The following KIAA1217 variants were observed in gnomAD, a reference collection of about 807,000 sequenced individuals.
KIAA1217 encodes the protein sickle tail protein homolog.
In KIAA1217, 88 loss-of-function variants were observed where a neutral mutation model predicts 163.9. That is an observed-to-expected ratio of 0.54 (90% confidence interval 0.45 to 0.64). KIAA1217 has a LOEUF of 0.64. Among genes scored for constraint, KIAA1217 ranks in the 30% least tolerant of loss-of-function variants. The pLI, the probability that KIAA1217 is intolerant of heterozygous loss-of-function variation, is 0.00. For synonymous variants in KIAA1217, 903 were observed against 923.1 expected (o/e 0.98, Z 0.39); for missense variants, 2,372 against 2,475.0 (o/e 0.96, Z 0.88).
At chr10:23,889,248 T>G (rs1011934216) in intron 1 of KIAA1217, among the ~76,000 whole-genome samples, 16 of 151,924 alleles carry the variant, frequency 1.1e-4, no homozygotes, top group African/African-American at 3.6e-4. Flanking sequence ...TCTAACGTGA[T>G]GGGACCATTT....
At chr10:24,480,052 G>C (rs2064480890) in intron 6 of KIAA1217, among the ~76,000 whole-genome samples, 1 of 152,156 alleles carries the variant, frequency 6.6e-6, no homozygotes, top group South Asian at 2.1e-4. Flanking sequence ...AACCGTAGCA[G>C]ATGTTTAGCA....
intron 2 of KIAA1217, among the ~76,000 whole-genome samples, chr10:24,369,484 G>A (rs1032321175): frequency 1.3e-5 from 2 of 152,086 alleles, no homozygotes; most frequent in Non-Finnish European, 2.9e-5. Flanking sequence ...CACTGAGGGT[G>A]AGGGCCTTTG....
intron 1 of KIAA1217, among the ~76,000 whole-genome samples, chr10:23,866,853 TTTA>T (rs1346415174): frequency 6.6e-6 from 1 of 152,038 alleles, no homozygotes; most frequent in Non-Finnish European, 1.5e-5. Flanking sequence ...CTTTTTTTCT[TTTA>T]TTATTATTAT....
chr10:24,501,301 C>T lies in KIAA1217; in HGVS notation c.1835-78C>T, dbSNP rs1454044554. 6.8e-6 allele frequency: 9 copies of T among 1,326,808 alleles called. No homozygotes were observed. The African/African-American group carries it at 1.2e-4, about 17-fold the overall frequency. The allele number at this position is 1,326,808 out of a possible 1,614,324, so 82.2% of individuals were successfully genotyped here. The stretch of plus-strand genomic sequence containing the variant: ...ATTAGGCCTTTTTAGAATTACCAGT[C>T]ATCTGCATTGGGATGGGATGCATAG... On this transcript the variant is annotated intron_variant, in intron 8 of 20. Transcript: ENST00000376454.
intron 1 of KIAA1217, among the ~76,000 whole-genome samples, chr10:23,696,005 T>TC (rs1836012284): frequency 6.6e-6 from 1 of 152,100 alleles, no homozygotes; most frequent in African/African-American, 2.4e-5. Context: ...CCGCTGCGGG[T>TC]CCTCCGAGAC....
At chr10:24,072,111 G>T (rs1281771996) in intron 2 of KIAA1217, among the ~76,000 whole-genome samples, 1 of 151,954 alleles carries the variant, frequency 6.6e-6, no homozygotes, top group Non-Finnish European at 1.5e-5. Flanking sequence ...TTGCAGCCTT[G>T]TACTCCTGGG....
chr10:23,916,817 C>T (rs946383745), intron 1 of KIAA1217, among the ~76,000 whole-genome samples: 2 of 151,762 alleles, frequency 1.3e-5, no homozygotes, highest in African/African-American at 4.8e-5. Flanking sequence ...AATAAAAATA[C>T]AAAAATTAGC....
At chr10:24,031,575 C>T (rs1277427133) in intron 2 of KIAA1217, among the ~76,000 whole-genome samples, 2 of 152,200 alleles carry the variant, frequency 1.3e-5, no homozygotes, top group Non-Finnish European at 2.9e-5. Context: ...GCTGGAATTA[C>T]AGGCTCACAC....
intron 1 of KIAA1217, among the ~76,000 whole-genome samples, chr10:23,933,078 G>T (rs1843324436): frequency 6.6e-6 from 1 of 152,174 alleles, no homozygotes; most frequent in Admixed American, 6.5e-5. Context: ...CAACATTGCT[G>T]CTGATTGCTA....
In KIAA1217 at chr10:24,543,931, C is replaced by T. The variant is rs571832677; in HGVS notation, c.4661C>T (p.Ser1554Leu). 12 of 1,613,986 alleles carry T rather than the reference C, an allele frequency of 7.4e-6. No homozygotes were observed. Among genetic ancestry groups the T allele is most frequent in the African/African-American group, 4.0e-5 (3 of 74,998 alleles). Residue 1554 changes from serine (S) to leucine (L), a missense_variant, in exon 19 of 21, where the codon TCG becomes TTG. Transcript: ENST00000376454. ...TTCAGCCACGTGGATTCTCCAAATT[C>T]GGAATGCAAGGGTGAGGACGCGACC... ...NKFSHVDSPN[S>L]ECKGEDATDD...
At chr10:24,186,619 A>G (rs2066441913) in intron 2 of KIAA1217, among the ~76,000 whole-genome samples, 1 of 152,158 alleles carries the variant, frequency 6.6e-6, no homozygotes, top group South Asian at 2.1e-4. Flanking sequence ...GGCCAGGCAC[A>G]GTGGCTCACC....
chr10:23,698,204 G>A (rs1836174526), intron 1 of KIAA1217, among the ~76,000 whole-genome samples: 1 of 152,196 alleles, frequency 6.6e-6, no homozygotes, highest in African/African-American at 2.4e-5. Flanking sequence ...TACCAACACT[G>A]AGAAGCAATT....
At chr10:24,330,211 A>G (rs2045484083) in intron 2 of KIAA1217, among the ~76,000 whole-genome samples, 1 of 151,754 alleles carries the variant, frequency 6.6e-6, no homozygotes, top group African/African-American at 2.4e-5. Context: ...GAGGCAGGAG[A>G]ATCACTTGAA....
intron 2 of KIAA1217, among the ~76,000 whole-genome samples, chr10:24,342,412 T>A (rs1033366975): frequency 6.6e-6 from 1 of 152,192 alleles, no homozygotes; most frequent in African/African-American, 2.4e-5. Flanking sequence ...GTGCACACAA[T>A]CACAAAGTTA....
chr10:23,777,036 C>G (rs1397458094), intron 1 of KIAA1217, among the ~76,000 whole-genome samples: 3 of 152,110 alleles, frequency 2.0e-5, no homozygotes, highest in Non-Finnish European at 2.9e-5. Flanking sequence ...TCCAAAATTT[C>G]TCTCATGAGC....
At chr10:23,820,900 G>A (rs1007162086) in intron 1 of KIAA1217, among the ~76,000 whole-genome samples, 51 of 152,278 alleles carry the variant, frequency 3.3e-4, no homozygotes, top group Non-Finnish European at 4.9e-4. Flanking sequence ...CAAAATCATC[G>A]CTGTAAGAAT....
intron 2 of KIAA1217, among the ~76,000 whole-genome samples, chr10:24,084,010 T>A (rs2061615785): frequency 6.6e-6 from 1 of 151,990 alleles, no homozygotes; most frequent in South Asian, 2.1e-4. Flanking sequence ...TTACAGAGAG[T>A]TGTTGAGGTC....
chr10:24,136,985 A>G (rs1425039824), intron 2 of KIAA1217, among the ~76,000 whole-genome samples: 2 of 152,248 alleles, frequency 1.3e-5, no homozygotes, highest in African/African-American at 4.8e-5. Flanking sequence ...ATCAGGGTCC[A>G]AAGTAGAGAA....
At chr10:24,178,981 G>A (rs141163630) in intron 2 of KIAA1217, among the ~76,000 whole-genome samples, 2 of 152,056 alleles carry the variant, frequency 1.3e-5, no homozygotes, top group Admixed American at 6.5e-5. Flanking sequence ...TTAATGTAGG[G>A]GAGGAAAAAA....
Sources: allele counts gnomAD v4.1 joint callset (sites outside exome capture counted in the v4.1 genomes callset), GRCh38; gene constraint gnomAD v4.1.1; transcripts MANE v1.5; gene names NCBI Gene and HGNC (gene_info 2026-07-23, HGNC 2026-07-21).